DCX: variants seen among roughly 807,000 people sequenced by gnomAD.
DCX encodes the protein neuronal migration protein doublecortin.
Under a neutral mutation model 20.9 loss-of-function variants are expected in DCX, and 4 were observed. That is an observed-to-expected ratio of 0.19 (90% CI 0.09 to 0.44). The LOEUF is 0.44. Among genes scored for constraint, DCX ranks in the 20% least tolerant of loss-of-function variants. DCX has a pLI of 0.99. For synonymous variants in DCX, 103 were observed against 111.4 expected (o/e 0.92, Z 0.47); for missense variants, 133 against 296.9 (o/e 0.45, Z 4.06).
intron 6 of DCX, among the ~76,000 whole-genome samples, chrX:111,307,092 T>C (rs1861017178): frequency 1.8e-5 from 2 of 110,386 alleles, no homozygotes; most frequent in Non-Finnish European, 3.8e-5. Context: ...GTATACTAAA[T>C]TACCTTAAAA....
At chrX:111,329,238 T>C (rs897687789) in intron 5 of DCX, among the ~76,000 whole-genome samples, 22 of 112,327 alleles carry the variant, frequency 2.0e-4, no homozygotes, top group Non-Finnish European at 3.6e-4. Context: ...TGCTCTTCTG[T>C]ACATTTGAAC....
At chrX:111,304,578 A>C (rs113599938) in intron 6 of DCX, among the ~76,000 whole-genome samples, 19,389 of 110,713 alleles carry the variant, frequency 0.18, 4,037 homozygotes, top group African/African-American at 0.59. Context: ...AGAATTGTCA[A>C]TCTTTGACCT....
intron 3 of DCX, among the ~76,000 whole-genome samples, chrX:111,344,499 C>G (rs1374381476): frequency 9.0e-6 from 1 of 111,387 alleles, no homozygotes; most frequent in African/African-American, 3.3e-5. Context: ...CCCATCATCT[C>G]AGCCCCAAAA....
At chrX:111,342,037 C>T (rs1331684371) in intron 3 of DCX, among the ~76,000 whole-genome samples, 1 of 108,347 alleles carries the variant, frequency 9.2e-6, no homozygotes, top group Non-Finnish European at 1.9e-5. Flanking sequence ...ACTAACCTTA[C>T]ATTTAAATGG....
At chrX:111,306,138 C>A (rs758189767) in intron 6 of DCX, among the ~76,000 whole-genome samples, 1 of 110,938 alleles carries the variant, frequency 9.0e-6, no homozygotes, top group Non-Finnish European at 1.9e-5. Flanking sequence ...CAGAGACTGG[C>A]AAAATAGATT....
chrX:111,380,151 T>A (rs1925858361), intron 3 of DCX, among the ~76,000 whole-genome samples: 1 of 111,922 alleles, frequency 8.9e-6, no homozygotes, highest in Non-Finnish European at 1.9e-5. Context: ...ACTTTATTGA[T>A]GTATCATGTG....
At position 111,301,474 on chromosome X, in the gene DCX, A is replaced by G. The variant is rs956569756; in HGVS notation, c.*213T>C. The G allele has an allele frequency of 8.7e-6, 4 of 462,322 alleles. No homozygotes were observed. The highest frequency in any genetic ancestry group is 6.4e-5 in the South Asian group (2 of 31,428). 38.1% of individuals were successfully genotyped at this position (462,322 alleles called of 1,213,427 possible). On this transcript the variant is annotated 3_prime_UTR_variant, in exon 7 of 7. Transcript: ENST00000636035. ...TGCCCCAAAGGATGGTTATCAATCTATCTCTCATAATTGGTAACTGTGGAT... is the reference window on the plus strand; with the variant it reads ...TGCCCCAAAGGATGGTTATCAATCTGTCTCTCATAATTGGTAACTGTGGAT...
intron 3 of DCX, among the ~76,000 whole-genome samples, chrX:111,344,762 A>G (rs1387651521): frequency 2.7e-5 from 3 of 112,157 alleles, no homozygotes; most frequent in Non-Finnish European, 5.6e-5. Context: ...AAATGGAAAA[A>G]CATTCCATCC....
At chrX:111,399,980 G>A (rs1040089984) in intron 3 of DCX, among the ~76,000 whole-genome samples, 3 of 112,060 alleles carry the variant, frequency 2.7e-5, no homozygotes, top group Non-Finnish European at 5.6e-5. Context: ...AATTATAGGA[G>A]GAGGCACAGG....
intron 4 of DCX, among the ~76,000 whole-genome samples, chrX:111,332,415 T>C (rs1168150636): frequency 2.7e-5 from 3 of 112,216 alleles, no homozygotes; most frequent in Non-Finnish European, 5.6e-5. Flanking sequence ...GGAAATATGC[T>C]CTGAATGTAT....
intron 3 of DCX, among the ~76,000 whole-genome samples, chrX:111,382,490 T>C (rs1459254212): frequency 8.9e-6 from 1 of 112,163 alleles, no homozygotes; most frequent in Non-Finnish European, 1.9e-5. Context: ...TACAGTCACA[T>C]GTTATCCTTT....
At chrX:111,382,020 A>G (rs935583659) in intron 3 of DCX, among the ~76,000 whole-genome samples, 1 of 111,892 alleles carries the variant, frequency 8.9e-6, no homozygotes, top group African/African-American at 3.2e-5. Context: ...GGCAATAGTC[A>G]GAATTACTGG....
Position 111,340,590 on chromosome X carries a change from G to T in DCX, c.706-7437C>A, listed in dbSNP as rs989720262. Among the ~76,000 whole-genome samples, 3 of 111,514 alleles carry T rather than the reference G, an allele frequency of 2.7e-5. No homozygotes were observed. In the Admixed American group the frequency reaches 2.9e-4, roughly 11 times the overall value. ...TGAATGAGACCCTTCAACAGGGGTT[G>T]TCAGACAAACTCATACAGGAGTGAT... On this transcript the variant is annotated intron_variant, in intron 3 of 6. Transcript: ENST00000636035.
intron 3 of DCX, among the ~76,000 whole-genome samples, chrX:111,343,751 G>C (rs1922520535): frequency 8.9e-6 from 1 of 111,748 alleles, no homozygotes; most frequent in Admixed American, 9.5e-5. Flanking sequence ...GGAGGCTAAG[G>C]TGGTCAGATC....
chrX:111,328,365 G>A (rs1182399174), intron 5 of DCX, among the ~76,000 whole-genome samples: 1 of 111,673 alleles, frequency 9.0e-6, no homozygotes, highest in East Asian at 2.8e-4. Context: ...TAGAGTCACT[G>A]AGGTGCATAT....
chrX:111,409,434 C>T (rs1011484000), intron 2 of DCX, among the ~76,000 whole-genome samples: 3 of 111,421 alleles, frequency 2.7e-5, no homozygotes, highest in African/African-American at 9.8e-5. Flanking sequence ...TATTAAAATA[C>T]CAGACATACC....
chrX:111,305,271 A>G (rs979577320), intron 6 of DCX, among the ~76,000 whole-genome samples: 2 of 112,164 alleles, frequency 1.8e-5, no homozygotes, highest in Admixed American at 9.5e-5. Flanking sequence ...AAGTAAACAC[A>G]AAAGACTGTA....
chrX:111,349,107 C>T lies in DCX; in HGVS notation c.706-15954G>A, dbSNP rs182033071. Reference sequence around the variant, plus strand: ...AAAATGCATATATGCCCATAGATAGCTAGTTTTCTATATAGTTTAGGGGGG... The same window carrying T: ...AAAATGCATATATGCCCATAGATAGTTAGTTTTCTATATAGTTTAGGGGGG... On this transcript the variant is annotated intron_variant, in intron 3 of 6. Transcript: ENST00000636035. Among the ~76,000 whole-genome samples, 395 of 111,226 alleles carry T rather than the reference C, an allele frequency of 3.6e-3. 3 individuals are homozygous for T. The highest frequency in any genetic ancestry group is 0.012 in the African/African-American group (374 of 30,612).
chrX:111,307,203 T>C (rs1437361439), intron 6 of DCX, among the ~76,000 whole-genome samples: 1 of 109,935 alleles, frequency 9.1e-6, no homozygotes, highest in Non-Finnish European at 1.9e-5. Context: ...ATCCTTTATA[T>C]TGACAATTAA....
Sources: gnomAD v4.1 joint callset for allele counts (sites outside exome capture counted in the v4.1 genomes callset) on GRCh38, gnomAD v4.1.1 for gene constraint, MANE v1.5 for transcripts, NCBI Gene and HGNC (gene_info 2026-07-23, HGNC 2026-07-21) for gene names.